Variants in AFG2A observed in about 807,000 individuals in gnomAD.
The protein encoded by AFG2A is ATPase family gene 2 protein homolog A.
At chr4:123,040,057 A>C in the AFG2A span, among the ~76,000 whole-genome samples, 1 of 151,906 alleles carries the variant, frequency 6.6e-6, no homozygotes, top group Non-Finnish European at 1.5e-5. Flanking sequence ...TGTTATAAAC[A>C]GTGCTCAGTA....
the AFG2A span, among the ~76,000 whole-genome samples, chr4:123,183,702 A>G: frequency 6.6e-6 from 1 of 151,962 alleles, no homozygotes; most frequent in Non-Finnish European, 1.5e-5. Flanking sequence ...GAAAGAGTAT[A>G]AAATTTTTTT....
the AFG2A span, among the ~76,000 whole-genome samples, chr4:122,925,667 AT>A: frequency 1.3e-5 from 2 of 152,128 alleles, no homozygotes; most frequent in Non-Finnish European, 2.9e-5. Flanking sequence ...TTTGAGAAAC[AT>A]TCTCTTATTT....
At chr4:123,095,150 C>CT in the AFG2A span, among the ~76,000 whole-genome samples, 6 of 148,564 alleles carry the variant, frequency 4.0e-5, no homozygotes, top group Admixed American at 6.8e-5. Flanking sequence ...TTGATTCCCT[C>CT]TTATTTTGAA....
chr4:123,228,889 T>C, the AFG2A span, among the ~76,000 whole-genome samples: 1 of 152,032 alleles, frequency 6.6e-6, no homozygotes, highest in African/African-American at 2.4e-5. Context: ...GTGGTACGAA[T>C]GTTTGAAAAT....
chr4:123,229,360 T>C, the AFG2A span, among the ~76,000 whole-genome samples: 1,777 of 152,108 alleles, frequency 0.012, 31 homozygotes, highest in African/African-American at 0.04. Context: ...TGATAAGACA[T>C]TGCAGAGGTT....
chr4:123,066,302 T>C, the AFG2A span, among the ~76,000 whole-genome samples: 3 of 152,178 alleles, frequency 2.0e-5, no homozygotes, highest in Non-Finnish European at 4.4e-5. Flanking sequence ...AAGGAAATTT[T>C]TGTAGGCATC....
the AFG2A span, among the ~76,000 whole-genome samples, chr4:123,268,595 A>G: frequency 3.9e-5 from 6 of 152,232 alleles, no homozygotes; most frequent in African/African-American, 1.4e-4. Context: ...AAGCTGTACG[A>G]CAGGAGAGCT....
the AFG2A span, among the ~76,000 whole-genome samples, chr4:123,021,410 T>C: frequency 1.3e-5 from 2 of 152,328 alleles, no homozygotes. Context: ...ATCTGAGATA[T>C]AAATAGAACT....
At chr4:123,076,618 T>C in the AFG2A span, among the ~76,000 whole-genome samples, 1 of 149,834 alleles carries the variant, frequency 6.7e-6, no homozygotes, top group East Asian at 2.0e-4. Flanking sequence ...GGGTGGGGGG[T>C]GATAAACAAG....
At chr4:123,010,621 A>G in the AFG2A span, among the ~76,000 whole-genome samples, 6 of 152,368 alleles carry the variant, frequency 3.9e-5, no homozygotes, top group South Asian at 1.2e-3. Context: ...CTAGTTAACC[A>G]TAAATACACA....
At chr4:122,978,947 T>C in the AFG2A span, among the ~76,000 whole-genome samples, 1 of 152,186 alleles carries the variant, frequency 6.6e-6, no homozygotes. Flanking sequence ...GGGTGCTTCC[T>C]GGGTTCTCGA....
At chr4:123,232,107 G>A in the AFG2A span, among the ~76,000 whole-genome samples, 1 of 151,920 alleles carries the variant, frequency 6.6e-6, no homozygotes, top group Non-Finnish European at 1.5e-5. Flanking sequence ...ATGCAGGGTT[G>A]CCACAATTTA....
the AFG2A span, among the ~76,000 whole-genome samples, chr4:123,076,381 A>C: frequency 0.041 from 6,196 of 152,232 alleles, 407 homozygotes; most frequent in African/African-American, 0.14. Context: ...ATGAGTTCTC[A>C]TGTAAAAACT....
chr4:122,927,653 A>G, the AFG2A span: 2 of 1,610,588 alleles, frequency 1.2e-6, no homozygotes, highest in Middle Eastern at 3.3e-4. Context: ...AAATTCCTAA[A>G]ACATTCCAGA....
At chr4:123,120,676 G>A in the AFG2A span, among the ~76,000 whole-genome samples, 4 of 152,080 alleles carry the variant, frequency 2.6e-5, no homozygotes, top group Non-Finnish European at 2.9e-5. Context: ...TAACACTGTA[G>A]CCATCATAAT....
At chr4:123,071,615 A>G in the AFG2A span, among the ~76,000 whole-genome samples, 3 of 152,206 alleles carry the variant, frequency 2.0e-5, no homozygotes, top group Non-Finnish European at 2.9e-5. Context: ...GGAAAAATAC[A>G]TGCTTTTATG....
At chr4:123,179,659 C>A in the AFG2A span, among the ~76,000 whole-genome samples, 14 of 152,178 alleles carry the variant, frequency 9.2e-5, no homozygotes, top group Non-Finnish European at 1.8e-4. Flanking sequence ...CCACTGCCCC[C>A]AACCAACTCA....
chr4:123,266,993 T>A, the AFG2A span, among the ~76,000 whole-genome samples: 1,426 of 152,144 alleles, frequency 9.4e-3, 7 homozygotes, highest in Non-Finnish European at 0.013. Context: ...CTGAGAAGTC[T>A]AATGCTGAGG....
At chr4:122,949,947 C>T in the AFG2A span, among the ~76,000 whole-genome samples, 1 of 152,188 alleles carries the variant, frequency 6.6e-6, no homozygotes, top group African/African-American at 2.4e-5. Context: ...TTGCCATTTC[C>T]CAGAACCACG....
Sources: allele counts gnomAD v4.1 joint callset (sites outside exome capture counted in the v4.1 genomes callset), GRCh38; gene constraint gnomAD v4.1.1; transcripts MANE v1.5; gene names NCBI Gene and HGNC (gene_info 2026-07-23, HGNC 2026-07-21).